The following ZNF236 variants were observed in gnomAD, a reference collection of about 807,000 sequenced individuals.
ZNF236 encodes the protein zinc finger protein 236.
In ZNF236, 50 loss-of-function variants were observed where a neutral mutation model predicts 191.2. The observed-to-expected ratio is 0.26, with a 90% CI of 0.21 to 0.33. ZNF236 has a LOEUF of 0.33. Among genes scored for constraint, ZNF236 ranks in the 10% least tolerant of loss-of-function variants. The pLI, the probability that ZNF236 is intolerant of heterozygous loss-of-function variation, is 1.00. For synonymous variants in ZNF236, 907 were observed against 928.8 expected, an observed-to-expected ratio of 0.98 and a Z score of 0.43; for missense variants, 1,754 against 2,374.5, an observed-to-expected ratio of 0.74 and a Z score of 5.43.
chr18:76,840,220 T>TGCGGTGGCTC (rs1267512669), intron 1 of ZNF236, among the ~76,000 whole-genome samples: 3 of 151,962 alleles, frequency 2.0e-5, no homozygotes, highest in Admixed American at 2.0e-4. Flanking sequence ...ACCGGCCGGG[T>TGCGGTGGCTC]GCGGTGGCTC....
At chr18:76,822,969 C>T (rs866148242) in intron 1 of ZNF236, among the ~76,000 whole-genome samples, 1 of 148,794 alleles carries the variant, frequency 6.7e-6, no homozygotes, top group African/African-American at 2.4e-5. Flanking sequence ...GCCCTGCCCC[C>T]GCTGGCCCTG....
chr18:76,907,322 G>C (rs1472023768), intron 13 of ZNF236, among the ~76,000 whole-genome samples: 1 of 152,230 alleles, frequency 6.6e-6, no homozygotes, highest in Non-Finnish European at 1.5e-5. Flanking sequence ...AGAGGCAGAA[G>C]AGGGGACCAG....
Position 76,912,335 on chromosome 18 carries a change from G to A in ZNF236, c.2897G>A (p.Arg966Lys), listed in dbSNP as rs767883454. 6.8e-6 allele frequency: 11 copies of A among 1,613,946 alleles called. No individual in the cohort carries two copies. The South Asian group carries it at 1.1e-4, about 16-fold the overall frequency. ...QFLEDNEDQS[R>K]RSYRCDYCNK... ...CTGGAGGACAACGAGGACCAGAGCA[G>A]GCGCTCTTACAGGTAGTTGTCTGCA... The change falls in exon 17 of 31, where the codon AGG becomes AAG. Residue 966 changes from arginine to lysine, a missense_variant. Physicochemically the swap from Arg to Lys is conservative, Grantham distance 26. Transcript: ENST00000320610.
intron 22 of ZNF236, among the ~76,000 whole-genome samples, chr18:76,926,378 A>G (rs1183769004): frequency 1.3e-5 from 2 of 152,140 alleles, no homozygotes; most frequent in Non-Finnish European, 1.5e-5. Flanking sequence ...ATAAAGGAGT[A>G]TCTGTTTTAC....
intron 3 of ZNF236, among the ~76,000 whole-genome samples, chr18:76,868,200 T>A (rs1976468966): frequency 6.6e-6 from 1 of 152,204 alleles, no homozygotes; most frequent in Admixed American, 6.5e-5. Context: ...GCCTGCACTC[T>A]GCTCTGCCTC....
chr18:76,945,539 A>T (rs909378290), intron 26 of ZNF236, among the ~76,000 whole-genome samples: 1 of 152,254 alleles, frequency 6.6e-6, no homozygotes. Flanking sequence ...TAATCCCACC[A>T]CTTTGGGAGG....
chr18:76,828,007 G>A (rs1361267192), intron 1 of ZNF236, among the ~76,000 whole-genome samples: 1 of 152,016 alleles, frequency 6.6e-6, no homozygotes, highest in African/African-American at 2.4e-5. Flanking sequence ...GTAATACTTA[G>A]TTCATTTCCA....
intron 10 of ZNF236, among the ~76,000 whole-genome samples, chr18:76,898,690 T>C (rs1326117775): frequency 6.6e-6 from 1 of 152,216 alleles, no homozygotes; most frequent in African/African-American, 2.4e-5. Flanking sequence ...TAAGCCACTT[T>C]ACAGGTGGTG....
intron 1 of ZNF236, chr18:76,824,240 C>G: frequency 1.3e-6 from 1 of 767,910 alleles, no homozygotes; most frequent in African/African-American, 1.7e-5. Flanking sequence ...TAAACTTATT[C>G]ATAGGCCACA....
At chr18:76,843,072 T>C (rs559078923) in intron 1 of ZNF236, among the ~76,000 whole-genome samples, 1 of 152,290 alleles carries the variant, frequency 6.6e-6, no homozygotes, top group African/African-American at 2.4e-5. Context: ...TGCAGACTTA[T>C]TTCAGCTGGC....
Position 76,937,350 on chromosome 18 carries a change from G to C in ZNF236, c.4782+7G>C, listed in dbSNP as rs550540530. 5.0e-6 allele frequency: 8 copies of C among 1,599,302 alleles called. No individual in the cohort carries two copies. The highest frequency in any genetic ancestry group is 4.0e-5 in the African/African-American group (3 of 74,846). Reference sequence around the variant, plus strand: ...ACTCAACATCACCTCTCAGGCAAGTGCTCCTCAGAGAGGGATGCGAAGGTC... The same window carrying C: ...ACTCAACATCACCTCTCAGGCAAGTCCTCCTCAGAGAGGGATGCGAAGGTC... On this transcript the variant is annotated splice_region_variant and intron_variant, in intron 26 of 30. Transcript: ENST00000320610.
chr18:76,862,705 C>G (rs563302602), intron 3 of ZNF236, among the ~76,000 whole-genome samples: 1 of 152,342 alleles, frequency 6.6e-6, no homozygotes, highest in East Asian at 1.9e-4. Flanking sequence ...CTGCACTGTG[C>G]TTTCCTCCCA....
rs1975026438 is a variant in ZNF236 at position 76,826,618 on chromosome 18, C to T, written c.55+3956C>T. Among the ~76,000 whole-genome samples the T allele has an allele frequency of 2.0e-5, 3 of 149,634 alleles. No homozygotes were observed. In the South Asian group the frequency reaches 6.3e-4, roughly 31 times the overall value. On this transcript the variant is annotated intron_variant, in intron 1 of 30. Transcript: ENST00000320610. The stretch of plus-strand genomic sequence containing the variant: ...CCAGCCTGGCCCCCATGGTGAAACC[C>T]CAGCCGTACTAAAAAAAAAAAAATA...
At position 76,968,406 on chromosome 18, in the gene ZNF236, G is replaced by T. The variant is rs1312786544; in HGVS notation, c.*67G>T. On this transcript the variant is annotated 3_prime_UTR_variant, in exon 31 of 31. Transcript: ENST00000320610. ...CGTTTTGTGAAGAGCAAAGCACTTG[G>T]AATCTCCGTTTTAAAGCTTCAAGTG... 2 of 1,554,882 alleles carry T rather than the reference G, an allele frequency of 1.3e-6. No individual in the cohort carries two copies. Among genetic ancestry groups the T allele is most frequent in the Non-Finnish European group, 1.7e-6 (2 of 1,163,882 alleles).
At chr18:76,838,585 G>A (rs561641208) in intron 1 of ZNF236, among the ~76,000 whole-genome samples, 44 of 152,270 alleles carry the variant, frequency 2.9e-4, no homozygotes, top group African/African-American at 1.0e-3. Flanking sequence ...CCTCTGTCGT[G>A]ACTACTCAGA....
At chr18:76,865,205 C>T (rs537574024) in intron 3 of ZNF236, among the ~76,000 whole-genome samples, 2 of 152,108 alleles carry the variant, frequency 1.3e-5, no homozygotes, top group South Asian at 2.1e-4. Context: ...GGTGTGGTAG[C>T]GGGTGCCTGT....
intron 3 of ZNF236, among the ~76,000 whole-genome samples, chr18:76,856,287 A>G: frequency 6.6e-6 from 1 of 151,882 alleles, no homozygotes; most frequent in Non-Finnish European, 1.5e-5. Flanking sequence ...AGTTCAAGCG[A>G]TTCTCCTGCC....
intron 3 of ZNF236, among the ~76,000 whole-genome samples, chr18:76,853,070 A>T (rs573390572): frequency 6.7e-6 from 1 of 149,824 alleles, no homozygotes; most frequent in African/African-American, 2.4e-5. Flanking sequence ...CTGACTTCAC[A>T]CTTTCTGTTT....
chr18:76,912,469 CAT>C, intron 17 of ZNF236, 122 bp downstream of exon 17: 1 of 617,816 alleles, frequency 1.6e-6, no homozygotes. Flanking sequence ...AAAACAGTTC[CAT>C]TGTCATCCAT....
Sources: allele counts gnomAD v4.1 joint callset (sites outside exome capture counted in the v4.1 genomes callset), GRCh38; gene constraint gnomAD v4.1.1; transcripts MANE v1.5; gene names NCBI Gene and HGNC (gene_info 2026-07-23, HGNC 2026-07-21).